The following DNM1L variants were observed in gnomAD, a reference collection of about 807,000 sequenced individuals.
The protein encoded by DNM1L is dynamin 1L.
In DNM1L, 33 loss-of-function variants were observed where a neutral mutation model predicts 92.8. The ratio of observed to expected loss-of-function variants is 0.36; its 90% CI spans 0.27 to 0.48. The LOEUF is 0.48. DNM1L is among the 20% of genes least tolerant of loss of function. DNM1L has a pLI of 0.99. For missense variants in DNM1L, 485 were observed against 888.8 expected, an observed-to-expected ratio of 0.55 and a Z score of 5.78; for synonymous variants, 284 against 305.0, an observed-to-expected ratio of 0.93 and a Z score of 0.72.
chr12:32,679,692 A>C, intron 1 of DNM1L: 2 of 1,236,692 alleles, frequency 1.6e-6, no homozygotes, highest in Non-Finnish European at 2.0e-6. Flanking sequence ...CCAGGGGCGG[A>C]GCCGGCGCGG....
intron 1 of DNM1L, among the ~76,000 whole-genome samples, chr12:32,690,518 A>G (rs145444610): frequency 1.4e-3 from 209 of 152,318 alleles, no homozygotes; most frequent in Middle Eastern, 0.014. Context: ...GTGTAAAATA[A>G]GCAATGAAAT....
intron 2 of DNM1L, chr12:32,706,073 T>A (rs1460096572): frequency 4.4e-6 from 2 of 453,196 alleles, no homozygotes; most frequent in Non-Finnish European, 7.7e-6. Flanking sequence ...ATTTTATTTT[T>A]ATTTTTGAAG....
intron 18 of DNM1L, among the ~76,000 whole-genome samples, chr12:32,742,199 G>A (rs1299710819): frequency 1.3e-5 from 2 of 152,072 alleles, no homozygotes; most frequent in Non-Finnish European, 2.9e-5. Flanking sequence ...CCACCTCCTG[G>A]GTTCAAGTGA....
intron 1 of DNM1L, among the ~76,000 whole-genome samples, chr12:32,700,311 G>T (rs1952650556): frequency 6.6e-6 from 1 of 152,040 alleles, no homozygotes; most frequent in South Asian, 2.1e-4. Context: ...GTAGAGACAG[G>T]GTTTTGCCAT....
At chr12:32,707,950 C>A (rs1311254220) in intron 3 of DNM1L, among the ~76,000 whole-genome samples, 10 of 144,078 alleles carry the variant, frequency 6.9e-5, no homozygotes, top group Non-Finnish European at 1.4e-4. Context: ...GACCCTCTCT[C>A]AAAGAAAAAA....
At chr12:32,716,027 A>T (rs758128855) in intron 6 of DNM1L, among the ~76,000 whole-genome samples, 4 of 152,198 alleles carry the variant, frequency 2.6e-5, no homozygotes, top group Non-Finnish European at 4.4e-5. Context: ...AAACTAAAGT[A>T]TGGTACATTC....
At chr12:32,732,309 G>A (rs1237552363) in intron 12 of DNM1L, among the ~76,000 whole-genome samples, 1 of 152,102 alleles carries the variant, frequency 6.6e-6, no homozygotes, top group Non-Finnish European at 1.5e-5. Context: ...ATAGCACACT[G>A]TTACTTTGAG....
chr12:32,701,361 A>G (rs903002911), intron 1 of DNM1L, 54 bp from the exon 2 acceptor site: 2 of 1,528,508 alleles, frequency 1.3e-6, no homozygotes, highest in African/African-American at 1.4e-5. Flanking sequence ...TTATTGAATT[A>G]ACAAAAAATG....
intron 9 of DNM1L, chr12:32,727,460 G>A (rs907292065): frequency 1.5e-6 from 1 of 651,812 alleles, no homozygotes; most frequent in East Asian, 2.7e-5. Context: ...AGCAGTGGTG[G>A]TGGGGAGGAG....
At chr12:32,716,361 G>GTC (rs1466897832) in intron 6 of DNM1L, among the ~76,000 whole-genome samples, 1 of 152,072 alleles carries the variant, frequency 6.6e-6, no homozygotes, top group Non-Finnish European at 1.5e-5. Flanking sequence ...TTGAGACAGG[G>GTC]TCTCATTCTG....
chr12:32,680,346 A>T (rs542174536), intron 1 of DNM1L, among the ~76,000 whole-genome samples: 1 of 152,332 alleles, frequency 6.6e-6, no homozygotes, highest in East Asian at 1.9e-4. Flanking sequence ...GTATATTGAT[A>T]TTAAGTGCTT....
At chr12:32,736,926 A>C (rs1251562396) in intron 13 of DNM1L, 179 bp from the exon 14 acceptor site, 5 of 633,286 alleles carry the variant, frequency 7.9e-6, no homozygotes, top group Non-Finnish European at 1.3e-5. Flanking sequence ...AAAGATTAAG[A>C]AGCTTTGGGT....
chr12:32,709,317 G>A (rs1444269289), intron 4 of DNM1L, among the ~76,000 whole-genome samples: 1 of 152,058 alleles, frequency 6.6e-6, no homozygotes, highest in African/African-American at 2.4e-5. Flanking sequence ...GAATGTTATT[G>A]ATCATAACAT....
rs1399915698 is a variant in DNM1L at position 32,743,902 on chromosome 12, G to GTCCT, written c.*495_*498dup. 1 of 158,466 alleles carries GTCCT rather than the reference G, an allele frequency of 6.3e-6. No homozygotes were observed. The highest frequency in any genetic ancestry group is 1.4e-5 in the Non-Finnish European group (1 of 71,586). The allele number at this position is 158,466 out of a possible 1,614,324, so 9.8% of individuals were successfully genotyped here. A position where few individuals can be genotyped will look rare whatever the true frequency, so the allele number is the denominator to read the frequency against. On this transcript the variant is annotated 3_prime_UTR_variant, in exon 20 of 20. Transcript: ENST00000549701. The stretch of plus-strand genomic sequence containing the variant: ...CACATAGAGTCATTGTATTCCACCT[G>GTCCT]TCCTTCAATTTAGTTTTTTCTGAGC...
intron 1 of DNM1L, among the ~76,000 whole-genome samples, chr12:32,699,760 C>T (rs1354315295): frequency 7.0e-6 from 1 of 142,466 alleles, no homozygotes; most frequent in African/African-American, 2.7e-5. Flanking sequence ...TGCCACTGCA[C>T]TCCAGCAGCC....
chr12:32,740,235 G>A lies in DNM1L; in HGVS notation c.1879G>A (p.Asp627Asn). The change falls in exon 17 of 20, where the codon GAT (aspartate) becomes AAT (asparagine). Residue 627 changes from aspartate to asparagine, a missense_variant. By Grantham distance (23) the Asp-to-Asn change is conservative. Transcript: ENST00000549701. ...PQKGHAVNLL[D>N]VPVPVARKLS... ...AAAAGGTCATGCCGTGAACCTGCTA[G>A]ATGTGGTAAGCCATGACAATTTGGT... 1 of 1,614,214 alleles carries A rather than the reference G, an allele frequency of 6.2e-7. No individual in the cohort carries two copies. Among genetic ancestry groups the A allele is most frequent in the Non-Finnish European group, 8.5e-7 (1 of 1,180,030 alleles).
chr12:32,722,372 G>C, intron 8 of DNM1L, 55 bp from the exon 9 acceptor site: 1 of 1,502,816 alleles, frequency 6.7e-7, no homozygotes, highest in Non-Finnish European at 9.2e-7. Context: ...GACTTGTTTA[G>C]GGCTTTAGAA....
At chr12:32,722,900 T>G in intron 9 of DNM1L, 1 of 157,760 alleles carries the variant, frequency 6.3e-6, no homozygotes, top group Non-Finnish European at 1.4e-5. Context: ...TTAATAAGTA[T>G]TAAATATTTT....
At position 32,696,693 on chromosome 12, in the gene DNM1L, C is replaced by T. The variant is rs190180451; in HGVS notation, c.103-4722C>T. Among the ~76,000 whole-genome samples the T allele has an allele frequency of 5.7e-4, 86 of 151,278 alleles. 1 individual carries two copies. Among genetic ancestry groups the T allele is most frequent in the African/African-American group, 2.0e-3 (84 of 41,276 alleles). On this transcript the variant is annotated intron_variant, in intron 1 of 19. Transcript: ENST00000549701. The stretch of plus-strand genomic sequence containing the variant: ...CCAATGGCGTGCAATGGCGTGATCT[C>T]GGCTCACTGCAACCTCCGCCTCCCG...
Sources: gnomAD v4.1 joint callset for allele counts (sites outside exome capture counted in the v4.1 genomes callset) on GRCh38, gnomAD v4.1.1 for gene constraint, MANE v1.5 for transcripts, NCBI Gene and HGNC (gene_info 2026-07-23, HGNC 2026-07-21) for gene names.